MCF2L2: variants seen among roughly 807,000 people sequenced by gnomAD.
MCF2L2 encodes probable guanine nucleotide exchange factor MCF2L2.
In MCF2L2, 102 loss-of-function variants were observed where a neutral mutation model predicts 150.2. That is an observed-to-expected ratio of 0.68 (90% CI 0.58 to 0.80). The LOEUF (loss-of-function observed/expected upper bound fraction) is 0.80. Among genes scored for constraint, MCF2L2 ranks in the 30% least tolerant of loss-of-function variants. The probability of loss-of-function intolerance (pLI) is 0.00; values close to 1 mark genes in which losing one functional copy is unlikely to be tolerated. For missense variants in MCF2L2, 1,256 were observed against 1,372.8 expected (o/e 0.91, Z 1.34); for synonymous variants, 465 against 491.3 (o/e 0.95, Z 0.71).
At chr3:183,389,620 A>C in intron 2 of MCF2L2, 76 bp downstream of exon 2, 1 of 1,260,764 alleles carries the variant, frequency 7.9e-7, no homozygotes, top group South Asian at 1.2e-5. Flanking sequence ...AACATTCCTC[A>C]AGGTTCAAGA....
chr3:183,184,294 G>A (rs1721623745), intron 27 of MCF2L2, among the ~76,000 whole-genome samples: 3 of 152,252 alleles, frequency 2.0e-5, no homozygotes, highest in Admixed American at 2.0e-4. Flanking sequence ...TGAGATTACA[G>A]GCGTGAGCCA....
intron 3 of MCF2L2, among the ~76,000 whole-genome samples, chr3:183,370,157 T>G (rs6778433): frequency 0.02 from 3,101 of 152,376 alleles, 111 homozygotes; most frequent in African/African-American, 0.07. Flanking sequence ...AAAGCCAAGC[T>G]ACAAGTTAAA....
chr3:183,261,328 A>C (rs764025342), intron 15 of MCF2L2, among the ~76,000 whole-genome samples: 17 of 152,208 alleles, frequency 1.1e-4, no homozygotes, highest in Non-Finnish European at 1.9e-4. Context: ...TGACGAGAAG[A>C]AGCCAGGAAA....
intron 25 of MCF2L2, among the ~76,000 whole-genome samples, chr3:183,195,469 T>C (rs1722050919): frequency 6.6e-6 from 1 of 152,200 alleles, no homozygotes; most frequent in African/African-American, 2.4e-5. Flanking sequence ...CCAACGTCTC[T>C]ACCCCATCCT....
intron 17 of MCF2L2, among the ~76,000 whole-genome samples, 165 bp from the exon 18 acceptor site, chr3:183,228,531 T>G (rs1325542873): frequency 2.0e-4 from 30 of 152,182 alleles, no homozygotes. Flanking sequence ...AAAGCTGTAT[T>G]CTGAGGTATT....
At chr3:183,282,073 T>A (rs1373478893) in intron 14 of MCF2L2, among the ~76,000 whole-genome samples, 1 of 151,806 alleles carries the variant, frequency 6.6e-6, no homozygotes, top group Non-Finnish European at 1.5e-5. Flanking sequence ...AGCCTCAGGG[T>A]CTTTTTAATC....
chr3:183,192,950 C>T (rs1721948884), intron 27 of MCF2L2, 49 bp downstream of exon 27: 2 of 1,380,216 alleles, frequency 1.4e-6, no homozygotes, highest in African/African-American at 2.8e-5. Context: ...AAGCAGCTGG[C>T]ATCACCCCAC....
intron 15 of MCF2L2, among the ~76,000 whole-genome samples, chr3:183,266,552 C>T (rs944120495): frequency 1.3e-5 from 2 of 152,176 alleles, no homozygotes; most frequent in African/African-American, 4.8e-5. Flanking sequence ...TGTTTTGGGG[C>T]TTCAGAGGAT....
At chr3:183,352,791 T>C (rs6772946) in intron 3 of MCF2L2, among the ~76,000 whole-genome samples, 17,678 of 152,210 alleles carry the variant, frequency 0.12, 1,716 homozygotes, top group African/African-American at 0.25. Flanking sequence ...TGGAGATATA[T>C]GAAAAATGAC....
intron 2 of MCF2L2, among the ~76,000 whole-genome samples, chr3:183,388,001 A>G (rs938880143): frequency 6.6e-6 from 1 of 151,634 alleles, no homozygotes; most frequent in Non-Finnish European, 1.5e-5. Context: ...TGAGGTTTAG[A>G]GAAGTAAGTT....
intron 1 of MCF2L2, among the ~76,000 whole-genome samples, chr3:183,419,715 T>C (rs202244780): frequency 6.6e-6 from 1 of 151,844 alleles, no homozygotes; most frequent in Non-Finnish European, 1.5e-5. Flanking sequence ...TCTACTAAAA[T>C]TACAAAAATT....
chr3:183,352,003 G>A (rs6805559), intron 3 of MCF2L2, among the ~76,000 whole-genome samples: 17,072 of 152,138 alleles, frequency 0.11, 1,577 homozygotes, highest in African/African-American at 0.24. Context: ...GAATTGGGTT[G>A]ATCATTTTTA....
rs553499577 is a variant in MCF2L2, at chr3:183,350,903, C to CAA, written c.276-9275_276-9274dup. On this transcript the variant is annotated intron_variant, in intron 3 of 29. Transcript: ENST00000328913. ...TGGGCGACAGAGCGAGACTCCGTCT[C>CAA]AAAAAAAAAAAAAAGAGTCATTAGA... 6.6e-5 allele frequency among the ~76,000 whole-genome samples: 7 copies of CAA among 105,900 alleles called. No individual in the cohort carries two copies. In the East Asian group the frequency reaches 7.9e-4, roughly 12 times the overall value. 69.5% of individuals were successfully genotyped at this position (105,900 alleles called of 152,430 possible). A position where few individuals can be genotyped will look rare whatever the true frequency, so the allele number is the denominator to read the frequency against.
intron 15 of MCF2L2, chr3:183,271,238 A>G (rs974501091): frequency 1.4e-5 from 3 of 214,416 alleles, no homozygotes; most frequent in Non-Finnish European, 3.0e-5. Flanking sequence ...TAGAGATGTT[A>G]TTAAGAAGTT....
chr3:183,330,288 AGGAAAAGG>A (rs1730219515), intron 5 of MCF2L2, among the ~76,000 whole-genome samples: 1 of 151,526 alleles, frequency 6.6e-6, no homozygotes, highest in Non-Finnish European at 1.5e-5. Context: ...GGAAAGGAAA[AGGAAAAGG>A]AAAGGAAAGG....
chr3:183,380,184 T>C (rs1713434411), intron 2 of MCF2L2, among the ~76,000 whole-genome samples: 2 of 152,148 alleles, frequency 1.3e-5, no homozygotes, highest in South Asian at 4.2e-4. Flanking sequence ...ATTCAATAGA[T>C]TCTATTTCCC....
chr3:183,353,336 G>T (rs936759859), intron 3 of MCF2L2, among the ~76,000 whole-genome samples: 1 of 152,166 alleles, frequency 6.6e-6, no homozygotes, highest in South Asian at 2.1e-4. Context: ...CTTTAATAAT[G>T]AAGGAATCCC....
chr3:183,281,690 G>T (rs957441202), intron 14 of MCF2L2, among the ~76,000 whole-genome samples: 1 of 152,054 alleles, frequency 6.6e-6, no homozygotes, highest in Non-Finnish European at 1.5e-5. Flanking sequence ...CAGCTGCCTT[G>T]GGAGGGCGAT....
intron 2 of MCF2L2, among the ~76,000 whole-genome samples, chr3:183,387,115 A>G (rs979506402): frequency 1.3e-5 from 2 of 152,094 alleles, no homozygotes; most frequent in Non-Finnish European, 2.9e-5. Context: ...AATTTTGGGC[A>G]TGATGGTGTG....
Sources: gnomAD v4.1 joint callset for allele counts (sites outside exome capture counted in the v4.1 genomes callset) on GRCh38, gnomAD v4.1.1 for gene constraint, MANE v1.5 for transcripts, NCBI Gene and HGNC (gene_info 2026-07-23, HGNC 2026-07-21) for gene names.